The following CCDC117 variants were observed in gnomAD, a reference collection of about 807,000 sequenced individuals.
CCDC117 encodes coiled-coil domain-containing protein 117.
A neutral mutation model predicts 23.5 loss-of-function variants in CCDC117; 1 was observed. That is an observed-to-expected ratio of 0.04 (90% confidence interval 0.02 to 0.20). The LOEUF (loss-of-function observed/expected upper bound fraction) is 0.20, where lower values mean the gene tolerates loss of function less well. CCDC117 is among the 10% of genes least tolerant of loss of function. The pLI is 1.00. For missense variants in CCDC117, 383 were observed against 348.2 expected (o/e 1.10, Z -0.80); for synonymous variants, 132 against 124.8 (o/e 1.06, Z -0.39).
At position 28,783,659 on chromosome 22, in the gene CCDC117, C is replaced by G. The variant is rs140438864; in HGVS notation, c.602+14C>G. 1.2e-6 allele frequency: 2 copies of G among 1,610,602 alleles called. No homozygotes were observed. Among genetic ancestry groups the G allele is most frequent in the Non-Finnish European group, 1.7e-6 (2 of 1,177,946 alleles). ...GATTGAGTCTATGTAAGTTTTGGTACCTGATTTCTATTTAATTATGATCTT... is the reference window on the plus strand; with the variant it reads ...GATTGAGTCTATGTAAGTTTTGGTAGCTGATTTCTATTTAATTATGATCTT... On this transcript the variant is annotated intron_variant, in intron 4 of 4. Transcript: ENST00000249064.
intron 2 of CCDC117, among the ~76,000 whole-genome samples, chr22:28,780,092 C>T (rs1174236050): frequency 6.6e-6 from 1 of 152,168 alleles, no homozygotes; most frequent in Non-Finnish European, 1.5e-5. Context: ...AAGATAAACT[C>T]ACTACTTTAC....
At chr22:28,780,467 T>C (rs1301205182) in intron 2 of CCDC117, among the ~76,000 whole-genome samples, 2 of 152,178 alleles carry the variant, frequency 1.3e-5, no homozygotes, top group African/African-American at 2.4e-5. Context: ...TTGCTGACTT[T>C]TGGTTTCTTT....
intron 4 of CCDC117, among the ~76,000 whole-genome samples, chr22:28,784,716 A>G (rs2031457755): frequency 6.6e-6 from 1 of 152,120 alleles, no homozygotes; most frequent in African/African-American, 2.4e-5. Flanking sequence ...AAAATATAGC[A>G]CTTTCTGCTT....
Position 28,781,015 on chromosome 22 carries a change from T to C in CCDC117, c.307T>C (p.Cys103Arg). 6.2e-7 allele frequency: 1 copy of C among 1,614,142 alleles called. No individual in the cohort carries two copies. The highest frequency in any genetic ancestry group is 8.5e-7 in the Non-Finnish European group (1 of 1,180,012). ...TGCTGGTCCTAATGACTGGATTCTT[T>C]GTGCACATCAGGATGTAGAGGGGCA... ...LCAGPNDWIL[C>R]AHQDVEGHGV... Residue 103 changes from cysteine to arginine, a missense_variant, in exon 3 of 5, where the codon TGT (cysteine) becomes CGT (arginine). Physicochemically the swap from Cys to Arg is radical, Grantham distance 180. Coordinates refer to ENST00000249064, the MANE Select transcript of CCDC117 (RefSeq NM_173510.4).
intron 3 of CCDC117, among the ~76,000 whole-genome samples, chr22:28,783,260 C>T (rs768295303): frequency 2.6e-5 from 4 of 151,654 alleles, no homozygotes; most frequent in Non-Finnish European, 4.4e-5. Context: ...AGGCTCTTCT[C>T]GAACTCCTAA....
rs764597618 is a variant in CCDC117, at chr22:28,786,921, A to T, written c.*595A>T. On this transcript the variant is annotated 3_prime_UTR_variant, in exon 5 of 5. Coordinates refer to ENST00000249064, the MANE Select transcript of CCDC117 (RefSeq NM_173510.4). ...GATAGTATTGTGGCTCTCCTCTTTGACTATGAAAATATAGAGAAAGTTTTT... is the reference window on the plus strand; with the variant it reads ...GATAGTATTGTGGCTCTCCTCTTTGTCTATGAAAATATAGAGAAAGTTTTT... 55 of 152,622 alleles carry T rather than the reference A, an allele frequency of 3.6e-4. No individual in the cohort carries two copies. The highest frequency in any genetic ancestry group is 6.3e-4 in the Non-Finnish European group (43 of 68,048). 9.5% of individuals were successfully genotyped at this position (152,622 alleles called of 1,614,324 possible). A position where few individuals can be genotyped will look rare whatever the true frequency, so the allele number is the denominator to read the frequency against.
At chr22:28,781,330 GTTTTGT>G (rs2031313467) in intron 3 of CCDC117, among the ~76,000 whole-genome samples, 158 bp downstream of exon 3, 3 of 37,628 alleles carry the variant, frequency 8.0e-5, no homozygotes, top group African/African-American at 4.4e-4. Flanking sequence ...TTGTTTTTTT[GTTTTGT>G]TTTTTTTTTT....
At chr22:28,785,323 G>C (rs1314947398) in intron 4 of CCDC117, among the ~76,000 whole-genome samples, 4 of 152,018 alleles carry the variant, frequency 2.6e-5, no homozygotes, top group Admixed American at 6.6e-5. Flanking sequence ...CGAGTAGCTG[G>C]GACTACAGTC....
At chr22:28,774,128 C>T (rs34573837) in intron 2 of CCDC117, among the ~76,000 whole-genome samples, 17,541 of 144,492 alleles carry the variant, frequency 0.12, 1,166 homozygotes, top group South Asian at 0.29. Flanking sequence ...AGTGCAGTGG[C>T]GCTATGTGGG....
intron 2 of CCDC117, among the ~76,000 whole-genome samples, chr22:28,774,054 G>A (rs2031083626): frequency 2.7e-5 from 4 of 148,870 alleles, no homozygotes; most frequent in African/African-American, 1.0e-4. Flanking sequence ...GATACATATT[G>A]AAAAGTTTTG....
rs1002850537 is a variant in CCDC117 at position 28,789,278 on chromosome 22, C to T, written c.*2952C>T. The T allele has an allele frequency of 6.6e-6, 1 of 152,132 alleles. No individual in the cohort carries two copies. The highest frequency in any genetic ancestry group is 1.5e-5 in the Non-Finnish European group (1 of 68,016). 9.4% of individuals were successfully genotyped at this position (152,132 alleles called of 1,614,324 possible). On this transcript the variant is annotated 3_prime_UTR_variant, in exon 5 of 5. Transcript: ENST00000249064. ...CTGTATTTTATCGTTTTCAATAAAACTTCTTAAGTGTTTTGGACTTTTGAG... is the reference window on the plus strand; with the variant it reads ...CTGTATTTTATCGTTTTCAATAAAATTTCTTAAGTGTTTTGGACTTTTGAG...
At chr22:28,773,109 C>A in intron 1 of CCDC117, 75 bp downstream of exon 1, 1 of 730,516 alleles carries the variant, frequency 1.4e-6, no homozygotes, top group Non-Finnish European at 1.7e-6. Context: ...GCGGCGGGCG[C>A]GGGCAGGGGC....
In CCDC117 at chr22:28,786,356, T is replaced by C. The variant is rs761463911; in HGVS notation, c.*30T>C. The C allele has an allele frequency of 1.8e-5, 27 of 1,494,148 alleles. No homozygotes were observed. Among genetic ancestry groups the C allele is most frequent in the Non-Finnish European group, 2.3e-5 (25 of 1,074,840 alleles). The allele number at this position is 1,494,148 out of a possible 1,614,324, so 92.6% of individuals were successfully genotyped here. A position where few individuals can be genotyped will look rare whatever the true frequency, so the allele number is the denominator to read the frequency against. On this transcript the variant is annotated 3_prime_UTR_variant, in exon 5 of 5. Coordinates refer to ENST00000249064, the MANE Select transcript of CCDC117 (RefSeq NM_173510.4). ...CAATTTCTACACTAAAGTTGTCAAA[T>C]GTTAGAAGAATCCTGTGTTCAGTTA...
intron 2 of CCDC117, 77 bp downstream of exon 2, chr22:28,773,855 GAAA>G (rs1319621365): frequency 3.7e-6 from 4 of 1,093,450 alleles, no homozygotes; most frequent in African/African-American, 3.1e-5. Context: ...TTACTTAAGT[GAAA>G]AGGTGAAACA....
chr22:28,775,512 A>G (rs1044059666), intron 2 of CCDC117, among the ~76,000 whole-genome samples: 6 of 152,210 alleles, frequency 3.9e-5, no homozygotes, highest in South Asian at 2.1e-4. Context: ...TTATATGCCC[A>G]TTAACATCCT....
Position 28,772,857 on chromosome 22 carries a change from C to T in CCDC117, c.8C>T (p.Ala3Val). ...CTCCTCGTCTCGCCGGCTATGGCTG[C>T]GCTCGGCCGGCCCTTCAGCGGCCTC... MA[A>V]LGRPFSGLPL... The change falls in exon 1 of 5, where the codon GCG becomes GTG. Residue 3 changes from alanine (A) to valine (V), a missense_variant. Ala to Val is a moderately conservative substitution (Grantham distance 64). Coordinates refer to ENST00000249064, the MANE Select transcript of CCDC117 (RefSeq NM_173510.4). The T allele has an allele frequency of 8.1e-7, 1 of 1,231,142 alleles. No individual in the cohort carries two copies. The highest frequency in any genetic ancestry group is 1.0e-6 in the Non-Finnish European group (1 of 986,864). The allele number at this position is 1,231,142 out of a possible 1,614,324, so 76.3% of individuals were successfully genotyped here.
At chr22:28,776,305 A>G (rs1481613266) in intron 2 of CCDC117, among the ~76,000 whole-genome samples, 4 of 152,180 alleles carry the variant, frequency 2.6e-5, no homozygotes, top group Non-Finnish European at 5.9e-5. Context: ...CACTCCAGAG[A>G]CTGAGGCACG....
In CCDC117 at chr22:28,772,846, G is replaced by C. The variant is rs1375375705; in HGVS notation, c.-4G>C. Reference sequence around the variant, plus strand: ...GCCGTCGCAGCCTCCTCGTCTCGCCGGCTATGGCTGCGCTCGGCCGGCCCT... The same window carrying C: ...GCCGTCGCAGCCTCCTCGTCTCGCCCGCTATGGCTGCGCTCGGCCGGCCCT... On this transcript the variant is annotated 5_prime_UTR_variant, in exon 1 of 5. Coordinates refer to ENST00000249064, the MANE Select transcript of CCDC117 (RefSeq NM_173510.4). 3.3e-6 allele frequency: 4 copies of C among 1,228,910 alleles called. No homozygotes were observed. Among genetic ancestry groups the C allele is most frequent in the African/African-American group, 1.6e-5 (1 of 63,906 alleles). 76.1% of individuals were successfully genotyped at this position (1,228,910 alleles called of 1,614,324 possible).
chr22:28,785,980 T>C, intron 4 of CCDC117, 109 bp from the exon 5 acceptor site: 1 of 732,430 alleles, frequency 1.4e-6, no homozygotes. Context: ...AATCTCCTGT[T>C]TTGCTATCAT....
Sources: allele counts gnomAD v4.1 joint callset (sites outside exome capture counted in the v4.1 genomes callset), GRCh38; gene constraint gnomAD v4.1.1; transcripts MANE v1.5; gene names NCBI Gene and HGNC (gene_info 2026-07-23, HGNC 2026-07-21).